Variants in FMNL2 observed in about 807,000 individuals in gnomAD.
FMNL2 encodes formin like 2.
FMNL2 carries 51 observed loss-of-function variants against 130.2 expected under a neutral mutation model. The observed-to-expected ratio is 0.39, with a 90% CI of 0.31 to 0.49. The LOEUF (loss-of-function observed/expected upper bound fraction) is 0.49. FMNL2 is among the 20% of genes least tolerant of loss of function. FMNL2 has a pLI of 0.85. For synonymous variants in FMNL2, 465 were observed against 467.1 expected (o/e 1.00, Z 0.06); for missense variants, 977 against 1,316.2 (o/e 0.74, Z 3.99).
At chr2:152,429,424 C>T (rs1403018094) in intron 1 of FMNL2, among the ~76,000 whole-genome samples, 1 of 152,000 alleles carries the variant, frequency 6.6e-6, no homozygotes, top group Admixed American at 6.6e-5. Flanking sequence ...CTGCCTCTAG[C>T]GATTCATTTT....
At chr2:152,625,608 A>G (rs1388683866) in intron 16 of FMNL2, 46 bp downstream of exon 16, 1 of 1,567,594 alleles carries the variant, frequency 6.4e-7, no homozygotes, top group Admixed American at 1.7e-5. Context: ...TCTGTGCAGC[A>G]AAGCCGGCAT....
chr2:152,567,493 A>G (rs1052512099), intron 6 of FMNL2, among the ~76,000 whole-genome samples: 14 of 152,182 alleles, frequency 9.2e-5, no homozygotes, highest in Non-Finnish European at 1.9e-4. Flanking sequence ...ATCTGGATTC[A>G]GCTGTTTCAG....
At chr2:152,574,098 G>T (rs1215273899) in intron 6 of FMNL2, among the ~76,000 whole-genome samples, 3 of 152,168 alleles carry the variant, frequency 2.0e-5, no homozygotes, top group African/African-American at 7.2e-5. Context: ...AACTGGATCA[G>T]TAAATAAAAA....
intron 1 of FMNL2, among the ~76,000 whole-genome samples, chr2:152,348,061 C>CT (rs943672779): frequency 2.0e-5 from 3 of 152,032 alleles, no homozygotes; most frequent in African/African-American, 7.2e-5. Flanking sequence ...CTTACTGAAA[C>CT]TATACCAGCC....
At chr2:152,605,301 CGTGTGCGTGTGT>C (rs544596925) in intron 9 of FMNL2, among the ~76,000 whole-genome samples, 25 of 149,516 alleles carry the variant, frequency 1.7e-4, no homozygotes, top group African/African-American at 4.3e-4. Context: ...TGCGTCTGTG[CGTGTGCGTGTGT>C]GTGTGCGTGT....
chr2:152,389,065 A>G (rs1480129754), intron 1 of FMNL2, among the ~76,000 whole-genome samples: 1 of 152,014 alleles, frequency 6.6e-6, no homozygotes, highest in African/African-American at 2.4e-5. Flanking sequence ...CTGTTTTTCA[A>G]TTTGGACTTA....
chr2:152,544,599 A>T (rs1694514975), intron 3 of FMNL2, among the ~76,000 whole-genome samples: 1 of 152,176 alleles, frequency 6.6e-6, no homozygotes, highest in Non-Finnish European at 1.5e-5. Flanking sequence ...CTCAGCATTG[A>T]GTCCTAATGC....
At chr2:152,646,508 G>T (rs1474978809) in intron 25 of FMNL2, among the ~76,000 whole-genome samples, 5 of 151,006 alleles carry the variant, frequency 3.3e-5, no homozygotes, top group African/African-American at 9.7e-5. Flanking sequence ...AGATCTTCCA[G>T]TTTTTCAAAA....
chr2:152,551,627 G>A (rs1694940021), intron 4 of FMNL2, among the ~76,000 whole-genome samples: 1 of 152,190 alleles, frequency 6.6e-6, no homozygotes, highest in South Asian at 2.1e-4. Flanking sequence ...CAATAATGAT[G>A]AAAATAATCA....
At chr2:152,495,901 G>A (rs1691494263) in intron 1 of FMNL2, among the ~76,000 whole-genome samples, 1 of 151,872 alleles carries the variant, frequency 6.6e-6, no homozygotes, top group South Asian at 2.1e-4. Context: ...TATTAGGTTG[G>A]CAATAGTAAT....
intron 2 of FMNL2, among the ~76,000 whole-genome samples, chr2:152,534,564 C>CTTTTTTTTTTTTTTTTTTTTTTTT (rs10719527): frequency 1.5e-5 from 2 of 131,572 alleles, no homozygotes; most frequent in Non-Finnish European, 1.6e-5. Flanking sequence ...CTTATTTTGT[C>CTTTTTTTTTTTTTTTTTTTTTTTT]TTTTTTTTTT....
chr2:152,439,299 A>G (rs1312216657), intron 1 of FMNL2, among the ~76,000 whole-genome samples: 2 of 152,120 alleles, frequency 1.3e-5, no homozygotes, highest in African/African-American at 4.8e-5. Flanking sequence ...AGTTTTATTG[A>G]AAATTTATCA....
intron 1 of FMNL2, chr2:152,389,813 G>C: frequency 7.6e-7 from 1 of 1,311,626 alleles, no homozygotes; most frequent in South Asian, 1.2e-5. Context: ...TTCACTGCAG[G>C]AGAAGAGGGG....
chr2:152,623,464 C>T (rs1185860393), intron 15 of FMNL2, among the ~76,000 whole-genome samples: 1 of 152,156 alleles, frequency 6.6e-6, no homozygotes, highest in Admixed American at 6.5e-5. Context: ...TTGGCTAAAG[C>T]TGTGTCTGTT....
intron 1 of FMNL2, among the ~76,000 whole-genome samples, chr2:152,475,062 A>G (rs755193132): frequency 1.3e-5 from 2 of 152,250 alleles, no homozygotes; most frequent in Non-Finnish European, 2.9e-5. Flanking sequence ...TTATCTATAA[A>G]GGAGGAAAAT....
At chr2:152,388,058 A>G (rs1053379381) in intron 1 of FMNL2, among the ~76,000 whole-genome samples, 2 of 152,162 alleles carry the variant, frequency 1.3e-5, no homozygotes, top group Non-Finnish European at 2.9e-5. Context: ...CTTCTTTATC[A>G]CCTGTTCTTA....
intron 16 of FMNL2, among the ~76,000 whole-genome samples, chr2:152,626,276 A>T (rs1471203732): frequency 6.6e-6 from 1 of 152,124 alleles, no homozygotes. Context: ...ACCTTAAGTG[A>T]TCCACCCGCC....
chr2:152,458,916 GAGTTA>G (rs1484847570), intron 1 of FMNL2, among the ~76,000 whole-genome samples: 1 of 152,180 alleles, frequency 6.6e-6, no homozygotes. Flanking sequence ...GTGTGTAATA[GAGTTA>G]AGGGCACCAA....
At chr2:152,588,402 A>G (rs1040610517) in intron 9 of FMNL2, among the ~76,000 whole-genome samples, 5 of 152,174 alleles carry the variant, frequency 3.3e-5, no homozygotes, top group Non-Finnish European at 7.3e-5. Flanking sequence ...GCCCATCCAT[A>G]ATAATCTAAG....
Sources: gnomAD v4.1 joint callset for allele counts (sites outside exome capture counted in the v4.1 genomes callset) on GRCh38, gnomAD v4.1.1 for gene constraint, MANE v1.5 for transcripts, NCBI Gene and HGNC (gene_info 2026-07-23, HGNC 2026-07-21) for gene names.